Variants in ATP11A observed in about 807,000 individuals in gnomAD.
The protein encoded by ATP11A is phospholipid-transporting ATPase IH.
ATP11A carries 81 observed loss-of-function variants against 154.4 expected under a neutral mutation model. That is an observed-to-expected ratio of 0.52 (90% CI 0.44 to 0.63). ATP11A has a LOEUF of 0.63. Among genes scored for constraint, ATP11A ranks in the 30% least tolerant of loss-of-function variants. ATP11A has a pLI of 0.00. For missense variants in ATP11A, 1,316 were observed against 1,474.3 expected (o/e 0.89, Z 1.76); for synonymous variants, 623 against 585.9 (o/e 1.06, Z -0.91).
intron 2 of ATP11A, among the ~76,000 whole-genome samples, chr13:112,794,604 T>C (rs1350857417): frequency 6.6e-6 from 1 of 152,232 alleles, no homozygotes; most frequent in East Asian, 1.9e-4. Context: ...GCGCAGTGGC[T>C]CACACCTGTA....
intron 1 of ATP11A, among the ~76,000 whole-genome samples, chr13:112,725,326 A>G (rs282594): frequency 0.24 from 37,258 of 152,108 alleles, 6,137 homozygotes; most frequent in African/African-American, 0.46. Flanking sequence ...CCTGGGGAGC[A>G]GACGAGGTAT....
chr13:112,756,868 C>T (rs1245783575), intron 1 of ATP11A, among the ~76,000 whole-genome samples: 2 of 150,356 alleles, frequency 1.3e-5, no homozygotes, highest in Non-Finnish European at 3.0e-5. Flanking sequence ...GCTCCCAGCA[C>T]GTGGTCTGCT....
chr13:112,823,458 A>G (rs1169705011), intron 9 of ATP11A, 49 bp downstream of exon 9: 10 of 1,487,184 alleles, frequency 6.7e-6, no homozygotes, highest in African/African-American at 5.6e-5. Context: ...TTAAGGATGC[A>G]TGAAGCAAAA....
At chr13:112,789,006 T>G (rs554672618) in intron 2 of ATP11A, among the ~76,000 whole-genome samples, 2 of 149,898 alleles carry the variant, frequency 1.3e-5, no homozygotes, top group South Asian at 4.3e-4. Context: ...TAATTCACAT[T>G]GAGCATCCTG....
chr13:112,819,934 A>T lies in ATP11A; in HGVS notation c.709A>T (p.Asn237Tyr), dbSNP rs986186364. Residue 237 changes from asparagine (N) to tyrosine (Y), a missense_variant, in exon 8 of 30, where the codon AAT (asparagine) becomes TAT (tyrosine). Asn to Tyr is a moderately radical substitution (Grantham distance 143, BLOSUM62 -2). Around this residue, in one of 5 missense-constraint regions of ATP11A, gnomAD observed 876 missense variants for 1,006.8 expected, o/e 0.87. Coordinates refer to ENST00000375645, the MANE Select transcript of ATP11A (RefSeq NM_015205.3). ...TCGCATCAACGTTTACAGTGACCTGAATGACCCCGTGGTGAGGTGAGTGCC... is the reference window on the plus strand; with the variant it reads ...TCGCATCAACGTTTACAGTGACCTGTATGACCCCGTGGTGAGGTGAGTGCC... ...VGRINVYSDL[N>Y]DPVVRPLGSE... 6 of 1,611,634 alleles carry T rather than the reference A, an allele frequency of 3.7e-6. No individual in the cohort carries two copies. The African/African-American group carries it at 6.7e-5, about 18-fold the overall frequency.
intron 1 of ATP11A, among the ~76,000 whole-genome samples, chr13:112,783,973 G>A (rs1024835071): frequency 6.6e-6 from 1 of 152,174 alleles, no homozygotes; most frequent in Admixed American, 6.5e-5. Flanking sequence ...AGGGTTGAGC[G>A]ACTCTTACCC....
In ATP11A at chr13:112,758,440, T is replaced by C. The variant is rs189640231; in HGVS notation, c.40-26695T>C. 6.0e-3 allele frequency among the ~76,000 whole-genome samples: 917 copies of C among 151,666 alleles called. 8 individuals are homozygous for C. Among genetic ancestry groups the C allele is most frequent in the African/African-American group, 0.021 (883 of 41,306 alleles). On this transcript the variant is annotated intron_variant, in intron 1 of 29. Coordinates refer to ENST00000375645, the MANE Select transcript of ATP11A (RefSeq NM_015205.3). ...TTTTTTTCTTTTTTTTCTTTTTTTT[T>C]TGAGACAGAGTCTCTCTCTGTCGCC...
intron 1 of ATP11A, among the ~76,000 whole-genome samples, chr13:112,766,293 C>T (rs185545018): frequency 6.6e-5 from 10 of 152,258 alleles, no homozygotes; most frequent in Admixed American, 5.2e-4. Context: ...CATGGTTTTT[C>T]ATTTCTGTCT....
chr13:112,773,793 C>A (rs574103658), intron 1 of ATP11A, among the ~76,000 whole-genome samples: 2 of 152,244 alleles, frequency 1.3e-5, no homozygotes, highest in African/African-American at 4.8e-5. Flanking sequence ...GTGTGAGTGG[C>A]GATCTGCGTC....
In ATP11A at chr13:112,829,105, C is replaced by T. The variant is rs140995940; in HGVS notation, c.1221+2214C>T. 1.3e-3 allele frequency among the ~76,000 whole-genome samples: 192 copies of T among 152,326 alleles called. 1 individual carries two copies. The highest frequency in any genetic ancestry group is 4.5e-3 in the African/African-American group (185 of 41,558). The stretch of plus-strand genomic sequence containing the variant: ...ACTGAGTCAGGAGCAGGCAGTGCCC[C>T]GTTCTGCGATGCAGTGCTGCCTCCC... On this transcript the variant is annotated intron_variant, in intron 12 of 29. Transcript: ENST00000375645.
rs1885036001 is a variant in ATP11A at position 112,690,576 on chromosome 13, C to G, written c.39+121C>G. On this transcript the variant is annotated intron_variant, in intron 1 of 29. Coordinates refer to ENST00000375645, the MANE Select transcript of ATP11A (RefSeq NM_015205.3). The surrounding 1 kb of genome is among the most constrained non-coding windows in gnomAD (Gnocchi z 5.6). The stretch of plus-strand genomic sequence containing the variant: ...CCCGGGAGGTCTCCGATGTCTGGGA[C>G]TCGGACCGCCCCCGGGGACGAGCGG... The G allele has an allele frequency of 2.1e-6, 2 of 939,712 alleles. No individual in the cohort carries two copies. Among genetic ancestry groups the G allele is most frequent in the East Asian group, 3.4e-5 (1 of 29,078 alleles). 58.2% of individuals were successfully genotyped at this position (939,712 alleles called of 1,614,324 possible). A position where few individuals can be genotyped will look rare whatever the true frequency, so the allele number is the denominator to read the frequency against.
chr13:112,778,745 A>G (rs61961155), intron 1 of ATP11A, among the ~76,000 whole-genome samples: 52 of 58,198 alleles, frequency 8.9e-4, no homozygotes, highest in African/African-American at 3.0e-3. Context: ...AGGAGTAGCC[A>G]CTGGAGTGAG....
rs752278692 is a variant in ATP11A, at chr13:112,860,487, T to C, written c.2855+73T>C. ...GCAGCACTCTGGCAGTTCCTTCCAA[T>C]AGCCACCTGGCAGACCTCAGTTGAG... On this transcript the variant is annotated intron_variant, in intron 24 of 29. Coordinates refer to ENST00000375645, the MANE Select transcript of ATP11A (RefSeq NM_015205.3). 135 of 1,580,892 alleles carry C rather than the reference T, an allele frequency of 8.5e-5. No homozygotes were observed. In the Middle Eastern group the frequency reaches 1.9e-3, roughly 22 times the overall value.
intron 1 of ATP11A, among the ~76,000 whole-genome samples, chr13:112,728,947 C>G (rs1890196354): frequency 1.3e-5 from 2 of 152,162 alleles, no homozygotes; most frequent in Non-Finnish European, 2.9e-5. Flanking sequence ...CACCGTGGCC[C>G]TGGTGCATGT....
intron 7 of ATP11A, 109 bp downstream of exon 7, chr13:112,819,516 T>A: frequency 1.2e-6 from 1 of 868,726 alleles, no homozygotes; most frequent in Non-Finnish European, 1.8e-6. Flanking sequence ...AAAGAGAATG[T>A]AAATCACTGC....
In ATP11A at chr13:112,832,987, C is replaced by T. The variant is rs781224951; in HGVS notation, c.1523C>T (p.Ser508Leu). 5.6e-5 allele frequency: 90 copies of T among 1,613,478 alleles called. No homozygotes were observed. Among genetic ancestry groups the T allele is most frequent in the Middle Eastern group, 1.7e-4 (1 of 5,784 alleles). ...GGKSCVYISS[S>L]PDEVALVEGV... Reference sequence around the variant, plus strand: ...AAATCCTGTGTGTACATCTCATCCTCGCCCGACGAGGTGGCGCTGGTCGAA... The same window carrying T: ...AAATCCTGTGTGTACATCTCATCCTTGCCCGACGAGGTGGCGCTGGTCGAA... Residue 508 changes from serine (S) to leucine (L), a missense_variant, in exon 14 of 30, where the codon TCG becomes TTG. Physicochemically the swap from Ser to Leu is moderately radical, Grantham distance 145 (BLOSUM62 -2). This residue lies in a region of ATP11A where 876 missense variants were observed against 1,006.8 expected (regional missense o/e 0.87). Coordinates refer to ENST00000375645, the MANE Select transcript of ATP11A (RefSeq NM_015205.3).
chr13:112,791,356 G>A (rs1368328166), intron 2 of ATP11A, among the ~76,000 whole-genome samples: 1 of 152,230 alleles, frequency 6.6e-6, no homozygotes, highest in African/African-American at 2.4e-5. Context: ...CCTGCCCCCT[G>A]GGAGCTGGCT....
chr13:112,824,510 T>G (rs1279838186), intron 10 of ATP11A, 85 bp downstream of exon 10: 4 of 1,268,870 alleles, frequency 3.2e-6, no homozygotes, highest in African/African-American at 1.5e-5. Context: ...CTTGGCCTTA[T>G]TGGCAGTTCC....
intron 18 of ATP11A, among the ~76,000 whole-genome samples, chr13:112,852,205 T>C (rs1249310853): frequency 6.6e-6 from 1 of 152,160 alleles, no homozygotes; most frequent in Non-Finnish European, 1.5e-5. Context: ...TTGATGAGAA[T>C]GAAGCAGAAA....
Sources: allele counts gnomAD v4.1 joint callset (sites outside exome capture counted in the v4.1 genomes callset), GRCh38; gene constraint gnomAD v4.1.1; regional missense constraint gnomAD v4.1.1; non-coding constraint Gnocchi (gnomAD v3.1); transcripts MANE v1.5; gene names NCBI Gene and HGNC (gene_info 2026-07-23, HGNC 2026-07-21).